The following IQCM variants were observed in gnomAD, a reference collection of about 807,000 sequenced individuals.
IQCM encodes IQ motif containing M, also known as IQ domain-containing protein M.
In IQCM, 45 loss-of-function variants were observed where a neutral mutation model predicts 57.6. That is an observed-to-expected ratio of 0.78 (90% CI 0.62 to 1.00). The LOEUF (loss-of-function observed/expected upper bound fraction) is 1.00, where lower values mean the gene tolerates loss of function less well. Ranked by LOEUF, IQCM falls within the 50% of genes least tolerant of loss-of-function variation. IQCM has a pLI of 0.00. For synonymous variants in IQCM, 148 were observed against 158.9 expected (o/e 0.93, Z 0.51); for missense variants, 468 against 511.6 (o/e 0.91, Z 0.82).
chr4:149,813,135 A>C (rs1774741540), intron 2 of IQCM, among the ~76,000 whole-genome samples: 1 of 152,134 alleles, frequency 6.6e-6, no homozygotes, highest in Admixed American at 6.6e-5. Context: ...GGCATCCCCC[A>C]AACAAGAAAA....
intron 5 of IQCM, among the ~76,000 whole-genome samples, chr4:149,708,507 A>T (rs112145425): frequency 4.8e-4 from 73 of 152,154 alleles, no homozygotes; most frequent in African/African-American, 1.7e-3. Flanking sequence ...GAGCAATAGC[A>T]CTTCTATTAT....
chr4:149,447,138 A>G (rs973247261), intron 12 of IQCM, among the ~76,000 whole-genome samples: 6 of 151,556 alleles, frequency 4.0e-5, no homozygotes, highest in Non-Finnish European at 7.4e-5. Flanking sequence ...TATGAGAGAA[A>G]ATAATATAGT....
chr4:149,613,646 G>A (rs1302526776), intron 8 of IQCM, among the ~76,000 whole-genome samples: 2 of 151,734 alleles, frequency 1.3e-5, no homozygotes, highest in Admixed American at 1.3e-4. Flanking sequence ...GTATACATGT[G>A]CCATGTTGGT....
chr4:149,407,432 A>T (rs1733062959), intron 13 of IQCM, among the ~76,000 whole-genome samples: 1 of 152,136 alleles, frequency 6.6e-6, no homozygotes, highest in African/African-American at 2.4e-5. Context: ...CCCAAGTAGT[A>T]TACAATGTAT....
At chr4:149,781,964 T>C (rs1389208769) in intron 2 of IQCM, among the ~76,000 whole-genome samples, 1 of 152,008 alleles carries the variant, frequency 6.6e-6, no homozygotes, top group Non-Finnish European at 1.5e-5. Context: ...AAAAAGATAA[T>C]GTATTCTGAC....
chr4:149,511,239 C>A (rs1327515191), intron 12 of IQCM, among the ~76,000 whole-genome samples: 4 of 152,052 alleles, frequency 2.6e-5, no homozygotes, highest in African/African-American at 9.7e-5. Context: ...TATTTTGTGG[C>A]TGGGCACGTT....
At chr4:149,400,390 A>G (rs1732534496) in intron 13 of IQCM, among the ~76,000 whole-genome samples, 1 of 152,052 alleles carries the variant, frequency 6.6e-6, no homozygotes, top group Non-Finnish European at 1.5e-5. Context: ...TTATGGCACC[A>G]TGGAGTTATG....
chr4:149,686,326 G>A, intron 6 of IQCM, 52 bp downstream of exon 6: 2 of 878,424 alleles, frequency 2.3e-6, no homozygotes, highest in Non-Finnish European at 3.0e-6. Context: ...GGGAATATTG[G>A]CAAAGTAGAA....
intron 9 of IQCM, among the ~76,000 whole-genome samples, chr4:149,566,962 C>T (rs995977445): frequency 2.6e-5 from 4 of 152,142 alleles, no homozygotes; most frequent in Non-Finnish European, 4.4e-5. Flanking sequence ...GAATCCTTAA[C>T]TATAAAACAT....
intron 12 of IQCM, among the ~76,000 whole-genome samples, chr4:149,451,745 CT>C (rs1737144195): frequency 6.6e-6 from 1 of 151,686 alleles, no homozygotes; most frequent in East Asian, 1.9e-4. Flanking sequence ...TTTCTTCAAC[CT>C]GATAAAGGAC....
chr4:149,368,652 T>C (rs1322986346), intron 13 of IQCM, among the ~76,000 whole-genome samples: 1 of 150,042 alleles, frequency 6.7e-6, no homozygotes, highest in African/African-American at 2.4e-5. Context: ...TTCCTCATCA[T>C]ATTTCTTTTT....
intron 8 of IQCM, among the ~76,000 whole-genome samples, chr4:149,596,095 T>C (rs761745790): frequency 6.6e-5 from 10 of 152,114 alleles, no homozygotes; most frequent in Non-Finnish European, 1.3e-4. Context: ...ATCATTTATG[T>C]AGACATTTAA....
intron 8 of IQCM, among the ~76,000 whole-genome samples, chr4:149,603,409 T>C (rs889318366): frequency 6.6e-6 from 1 of 152,198 alleles, no homozygotes; most frequent in Non-Finnish European, 1.5e-5. Flanking sequence ...TCATCATTGA[T>C]ATGGCATCAA....
chr4:149,728,417 A>G (rs966892625), intron 5 of IQCM, among the ~76,000 whole-genome samples: 1 of 152,234 alleles, frequency 6.6e-6, no homozygotes, highest in Non-Finnish European at 1.5e-5. Flanking sequence ...CGAGGACACA[A>G]TTTATGTCCA....
At chr4:149,415,259 C>T (rs1467807047) in intron 13 of IQCM, among the ~76,000 whole-genome samples, 1 of 152,148 alleles carries the variant, frequency 6.6e-6, no homozygotes. Context: ...GCTCAATCAC[C>T]ATTTCTTGCT....
intron 7 of IQCM, among the ~76,000 whole-genome samples, chr4:149,644,412 T>A (rs1758466152): frequency 6.6e-6 from 1 of 152,340 alleles, no homozygotes; most frequent in Non-Finnish European, 1.5e-5. Context: ...TAGCTTTAAC[T>A]TTTTATTTGA....
intron 7 of IQCM, among the ~76,000 whole-genome samples, chr4:149,630,122 A>G (rs7679059): frequency 0.44 from 66,544 of 152,058 alleles, 14,937 homozygotes; most frequent in South Asian, 0.58. Context: ...ACAAAGTGAA[A>G]ACTCTTGATT....
intron 9 of IQCM, among the ~76,000 whole-genome samples, chr4:149,579,789 T>C (rs1379327876): frequency 2.0e-5 from 3 of 151,818 alleles, no homozygotes; most frequent in East Asian, 3.9e-4. Flanking sequence ...TTGGAGATGG[T>C]AGCATTTTCA....
Position 149,563,722 on chromosome 4 carries a change from T to C in IQCM, c.918A>G (p.Glu306=), listed in dbSNP as rs1750350255. 1 of 1,231,964 alleles carries C rather than the reference T, an allele frequency of 8.1e-7. No individual in the cohort carries two copies. The highest frequency in any genetic ancestry group is 1.6e-5 in the African/African-American group (1 of 64,392). 76.3% of individuals were successfully genotyped at this position (1,231,964 alleles called of 1,614,324 possible). ...TCATTACTCTTTGCAATCTTTTCCG[T>C]TCAAGCCATCCCCTGACATGTGCCT... is the stretch of plus-strand genomic sequence containing the variant. The part of the protein sequence containing the change: ...VMQAHVRGWL[E]RKRLQRVMTK... Residue 306 remains glutamate, a synonymous_variant, in exon 10 of 14, where the codon GAA becomes GAG. Transcript: ENST00000636793.
Sources: allele counts gnomAD v4.1 joint callset (sites outside exome capture counted in the v4.1 genomes callset), GRCh38; gene constraint gnomAD v4.1.1; transcripts MANE v1.5; gene names NCBI Gene and HGNC (gene_info 2026-07-23, HGNC 2026-07-21).